The following RAB8B variants were observed in gnomAD, a reference collection of about 807,000 sequenced individuals.
RAB8B encodes RAB8B, member RAS oncogene family.
A neutral mutation model predicts 32.0 loss-of-function variants in RAB8B; 11 were observed. The observed-to-expected ratio is 0.34, with a 90% CI of 0.22 to 0.57. The LOEUF (loss-of-function observed/expected upper bound fraction) is 0.57, where lower values mean the gene tolerates loss of function less well. Ranked by LOEUF, RAB8B falls within the 20% of genes least tolerant of loss-of-function variation. RAB8B has a pLI of 0.86. For missense variants in RAB8B, 190 were observed against 258.5 expected (o/e 0.73, Z 1.82); for synonymous variants, 103 against 89.6 (o/e 1.15, Z -0.85).
intron 4 of RAB8B, 22 bp from the exon 5 acceptor site, chr15:63,256,483 G>C: frequency 6.4e-7 from 1 of 1,555,466 alleles, no homozygotes; most frequent in Non-Finnish European, 8.7e-7. Context: ...TGTTTTTATA[G>C]CATGCTATTT....
At chr15:63,219,332 C>T (rs1037985940) in intron 1 of RAB8B, among the ~76,000 whole-genome samples, 8 of 150,856 alleles carry the variant, frequency 5.3e-5, no homozygotes, top group East Asian at 3.9e-4. Context: ...AGAAAGAGAT[C>T]GAGAGAGAGA....
chr15:63,216,387 C>T (rs1021107549), intron 1 of RAB8B, among the ~76,000 whole-genome samples: 14 of 151,416 alleles, frequency 9.2e-5, no homozygotes, highest in East Asian at 2.0e-4. Context: ...CACCATAACA[C>T]CCGGCTAATT....
At chr15:63,210,700 C>A (rs1427209805) in intron 1 of RAB8B, among the ~76,000 whole-genome samples, 1 of 152,186 alleles carries the variant, frequency 6.6e-6, no homozygotes, top group Non-Finnish European at 1.5e-5. Flanking sequence ...TGTGCCGTGG[C>A]CTCCCGCTGT....
chr15:63,199,659 T>C (rs1179616824), intron 1 of RAB8B, among the ~76,000 whole-genome samples: 1 of 152,174 alleles, frequency 6.6e-6, no homozygotes, highest in African/African-American at 2.4e-5. Flanking sequence ...GGGTTTTTTT[T>C]GTTTGTTTTT....
chr15:63,192,107 T>C (rs889979170), intron 1 of RAB8B, among the ~76,000 whole-genome samples: 4 of 152,274 alleles, frequency 2.6e-5, no homozygotes, highest in Middle Eastern at 3.4e-3. Context: ...GAGCTGTGTC[T>C]TCAGTTGACG....
chr15:63,218,052 C>G (rs1470372), intron 1 of RAB8B, among the ~76,000 whole-genome samples: 30,360 of 152,012 alleles, frequency 0.2, 3,885 homozygotes, highest in East Asian at 0.65. Context: ...TCCCCTTCCT[C>G]ACTTCCTTCC....
At chr15:63,243,521 G>A (rs1024030477) in intron 1 of RAB8B, among the ~76,000 whole-genome samples, 3 of 152,130 alleles carry the variant, frequency 2.0e-5, no homozygotes, top group African/African-American at 4.8e-5. Flanking sequence ...CCATAGTGGG[G>A]GGAAATACGT....
intron 3 of RAB8B, 92 bp downstream of exon 3, chr15:63,249,797 GTA>G (rs1337413857): frequency 7.0e-5 from 93 of 1,325,458 alleles, no homozygotes; most frequent in Middle Eastern, 2.3e-4. Flanking sequence ...ATGGAGTCTA[GTA>G]TGTAGAAAAA....
rs1219411261 is a variant in RAB8B at position 63,265,657 on chromosome 15, C to G, written c.*2038C>G. On this transcript the variant is annotated 3_prime_UTR_variant, in exon 8 of 8. Transcript: ENST00000321437. The surrounding 1 kb of genome is among the most constrained non-coding windows in gnomAD (Gnocchi z 4.9). ...AATTCTCTTAGTAATTTACCTCTGA[C>G]TATTTGGTGTCTTAACGCTTTGGTT... The G allele has an allele frequency of 6.6e-6, 1 of 152,486 alleles. No homozygotes were observed. The highest frequency in any genetic ancestry group is 1.5e-5 in the Non-Finnish European group (1 of 67,972). The allele number at this position is 152,486 out of a possible 1,614,324, so 9.4% of individuals were successfully genotyped here. A position where few individuals can be genotyped will look rare whatever the true frequency, so the allele number is the denominator to read the frequency against.
chr15:63,237,024 T>G (rs2037986382), intron 1 of RAB8B, among the ~76,000 whole-genome samples: 1 of 152,210 alleles, frequency 6.6e-6, no homozygotes, highest in Non-Finnish European at 1.5e-5. Flanking sequence ...CCTGGCTTAT[T>G]TCACTTAATA....
intron 1 of RAB8B, among the ~76,000 whole-genome samples, chr15:63,207,020 A>C (rs977575659): frequency 3.3e-5 from 5 of 152,116 alleles, no homozygotes; most frequent in African/African-American, 1.2e-4. Context: ...TGTCTGCTCC[A>C]GCATACTTCC....
At chr15:63,221,213 A>G (rs1035036837) in intron 1 of RAB8B, among the ~76,000 whole-genome samples, 5 of 152,170 alleles carry the variant, frequency 3.3e-5, no homozygotes, top group Non-Finnish European at 7.4e-5. Context: ...TATGCTGAGG[A>G]ATTGTGAAAA....
intron 1 of RAB8B, among the ~76,000 whole-genome samples, chr15:63,219,995 G>A (rs62012875): frequency 0.014 from 2,163 of 152,284 alleles, 15 homozygotes; most frequent in Non-Finnish European, 0.021. Context: ...ACAACATTTG[G>A]TTTTGTGATT....
chr15:63,235,920 A>G (rs1400530202), intron 1 of RAB8B, among the ~76,000 whole-genome samples: 3 of 152,160 alleles, frequency 2.0e-5, no homozygotes, highest in Non-Finnish European at 2.9e-5. Flanking sequence ...CCTGTGTTCT[A>G]TACTATGACC....
At chr15:63,207,805 C>G (rs1457732955) in intron 1 of RAB8B, among the ~76,000 whole-genome samples, 1 of 152,180 alleles carries the variant, frequency 6.6e-6, no homozygotes, top group African/African-American at 2.4e-5. Flanking sequence ...ACTTCATGAT[C>G]TGCCCACCTC....
chr15:63,250,441 CT>C (rs975648665), intron 3 of RAB8B, among the ~76,000 whole-genome samples: 1 of 152,210 alleles, frequency 6.6e-6, no homozygotes, highest in African/African-American at 2.4e-5. Context: ...TGTCATCCCC[CT>C]GACCACCATT....
Position 63,248,484 on chromosome 15 carries a change from C to G in RAB8B, c.186-1161C>G, listed in dbSNP as rs2038089305. On this transcript the variant is annotated intron_variant, in intron 2 of 7. Transcript: ENST00000321437. The surrounding 1 kb of genome is among the most constrained non-coding windows in gnomAD (Gnocchi z 4.4). ...CCAGGATTGTGCCACTGGACCCCAG[C>G]CTGGGTGACAGAGCGAGACTCCATC... Among the ~76,000 whole-genome samples the G allele has an allele frequency of 6.6e-6, 1 of 152,148 alleles. No individual in the cohort carries two copies. The highest frequency in any genetic ancestry group is 2.4e-5 in the African/African-American group (1 of 41,418).
At chr15:63,249,610 C>T in intron 2 of RAB8B, 35 bp from the exon 3 acceptor site, 1 of 1,605,812 alleles carries the variant, frequency 6.2e-7, no homozygotes. Flanking sequence ...CTGGTGATGA[C>T]TTCAAAAACC....
At chr15:63,238,211 T>C (rs550654532) in intron 1 of RAB8B, among the ~76,000 whole-genome samples, 2 of 152,136 alleles carry the variant, frequency 1.3e-5, no homozygotes, top group South Asian at 2.1e-4. Flanking sequence ...TTTTTTGAGA[T>C]TGTATAGTCC....
Sources: allele counts gnomAD v4.1 joint callset (sites outside exome capture counted in the v4.1 genomes callset), GRCh38; gene constraint gnomAD v4.1.1; non-coding constraint Gnocchi (gnomAD v3.1); transcripts MANE v1.5; gene names NCBI Gene and HGNC (gene_info 2026-07-23, HGNC 2026-07-21).